The following CCDC188 variants were observed in gnomAD, a reference collection of about 807,000 sequenced individuals.
CCDC188 encodes coiled-coil domain-containing protein 188.
In CCDC188, 37 loss-of-function variants were observed where a neutral mutation model predicts 50.7. The observed-to-expected ratio is 0.73, with a 90% CI of 0.56 to 0.96. The LOEUF is 0.96. Ranked by LOEUF, CCDC188 falls within the 40% of genes least tolerant of loss-of-function variation. The pLI is 0.00. For synonymous variants in CCDC188, 208 were observed against 228.0 expected (o/e 0.91, Z 0.79); for missense variants, 453 against 512.9 (o/e 0.88, Z 1.13).
rs150544734 is a variant in CCDC188 at position 20,149,816 on chromosome 22, C to T, written c.733-36G>A. ...GGCCCAGGATGGGCTTGGGCAGCAT[C>T]AGCAGGGTGGCCAGTACCTCCCCGC... On this transcript the variant is annotated intron_variant, in intron 3 of 8. Transcript: ENST00000439765. The T allele has an allele frequency of 1.6e-4, 238 of 1,487,932 alleles. 1 individual carries two copies. The African/African-American group carries it at 3.0e-3, about 19-fold the overall frequency. The allele number at this position is 1,487,932 out of a possible 1,614,324, so 92.2% of individuals were successfully genotyped here. A position where few individuals can be genotyped will look rare whatever the true frequency, so the allele number is the denominator to read the frequency against.
intron 6 of CCDC188, 76 bp from the exon 7 acceptor site, chr22:20,149,320 G>GAGGT: frequency 1.3e-6 from 2 of 1,545,982 alleles, no homozygotes; most frequent in South Asian, 1.2e-5. Flanking sequence ...CGGTGCTGTG[G>GAGGT]AGGTGGGGGG....
Position 20,150,885 on chromosome 22 carries a change from G to C in CCDC188, c.102C>G (p.Cys34Trp). ...GGCAGGGCCACCCTACAAATCCCTG[G>C]CAGGGCTGGTCCAGGCCTCCTCCAT... ...SSHGGGLDQP[C>W]QGFVGWPCLG... Residue 34 changes from cysteine (C) to tryptophan (W), a missense_variant, in exon 1 of 9, where the codon TGC (cysteine) becomes TGG (tryptophan). By Grantham distance (215) the Cys-to-Trp change is radical (BLOSUM62 -2). Transcript: ENST00000439765. 1 of 1,489,084 alleles carries C rather than the reference G, an allele frequency of 6.7e-7. No individual in the cohort carries two copies. Among genetic ancestry groups the C allele is most frequent in the Non-Finnish European group, 9.0e-7 (1 of 1,109,534 alleles). The allele number at this position is 1,489,084 out of a possible 1,614,324, so 92.2% of individuals were successfully genotyped here.
Position 20,150,931 on chromosome 22 carries a change from G to C in CCDC188, c.56C>G (p.Pro19Arg), listed in dbSNP as rs2050615779. Residue 19 changes from proline to arginine, a missense_variant, in exon 1 of 9, where the codon CCA (proline) becomes CGA (arginine). Physicochemically the swap from Pro to Arg is moderately radical, Grantham distance 103. Coordinates refer to ENST00000439765, the MANE Select transcript of CCDC188 (RefSeq NM_001365892.2). ...PCGHPHPQCP[P>R]TPASSSHGGG... ...TCCATGGCTGCTGGAGGCTGGGGTTGGGGGACACTGGGGGTGGGGGTGGCC... is the reference window on the plus strand; with the variant it reads ...TCCATGGCTGCTGGAGGCTGGGGTTCGGGGACACTGGGGGTGGGGGTGGCC... 4.2e-6 allele frequency: 6 copies of C among 1,421,554 alleles called. No individual in the cohort carries two copies. The South Asian group carries it at 9.4e-5, about 22-fold the overall frequency. The allele number at this position is 1,421,554 out of a possible 1,614,324, so 88.1% of individuals were successfully genotyped here.
Position 20,148,418 on chromosome 22 carries a change from A to C in CCDC188, c.*196T>G, listed in dbSNP as rs1602581627. On this transcript the variant is annotated 3_prime_UTR_variant, in exon 9 of 9. Coordinates refer to ENST00000439765, the MANE Select transcript of CCDC188 (RefSeq NM_001365892.2). ...CCCCAATTTCCACAGAGACGTGCTC[A>C]CCGGCCACTTATGTCATGATTCTAT... 7.9e-7 allele frequency: 1 copy of C among 1,273,132 alleles called. No homozygotes were observed. The highest frequency in any genetic ancestry group is 2.6e-5 in the South Asian group (1 of 38,744). The allele number at this position is 1,273,132 out of a possible 1,614,324, so 78.9% of individuals were successfully genotyped here. A position where few individuals can be genotyped will look rare whatever the true frequency, so the allele number is the denominator to read the frequency against.
rs1243135408 is a variant in CCDC188, at chr22:20,150,742, T to TGCTCCG, written c.244_245insCGGAGC (p.Ser81_Gln82insProGlu). ...CTCAGTGTCTCTCGCTCTCTGCTCC[T>TGCTCCG]GGCTGGACAGAAAGAGCCCGGGAGC... On this transcript the variant is annotated inframe_insertion, in exon 1 of 9. Transcript: ENST00000439765. 1 of 1,550,052 alleles carries TGCTCCG rather than the reference T, an allele frequency of 6.5e-7. No individual in the cohort carries two copies. The highest frequency in any genetic ancestry group is 2.4e-5 in the East Asian group (1 of 40,920).
In CCDC188 at chr22:20,150,662, G is replaced by A; in HGVS notation, c.325C>T (p.Pro109Ser). 1 of 1,547,626 alleles carries A rather than the reference G, an allele frequency of 6.5e-7. No homozygotes were observed. The highest frequency in any genetic ancestry group is 2.0e-5 in the Admixed American group (1 of 50,882). ...AGLGWGWPLHPGSNQGAPRQG... is the reference protein window; with the variant it reads ...AGLGWGWPLHSGSNQGAPRQG... ...CTGGGAGCCCCCTGGTTCGACCCTG[G>A]GTGCAGGGGCCAGCCCCACCCAAGC... is the stretch of plus-strand genomic sequence containing the variant. The change falls in exon 1 of 9, where the codon CCA becomes TCA. Residue 109 changes from proline (P) to serine (S), a missense_variant. Transcript: ENST00000439765.
At position 20,148,864 on chromosome 22, in the gene CCDC188, C is replaced by T; in HGVS notation, c.1022+11G>A. 1.3e-6 allele frequency: 2 copies of T among 1,496,686 alleles called. No homozygotes were observed. Among genetic ancestry groups the T allele is most frequent in the Non-Finnish European group, 8.9e-7 (1 of 1,120,424 alleles). The allele number at this position is 1,496,686 out of a possible 1,614,324, so 92.7% of individuals were successfully genotyped here. A position where few individuals can be genotyped will look rare whatever the true frequency, so the allele number is the denominator to read the frequency against. ...GGCCTGGGGGCTGGGCTCTGCCGTG[C>T]AGTCACCTACCAGAGCTGGCCTGCC... On this transcript the variant is annotated intron_variant, in intron 8 of 8. Transcript: ENST00000439765.
Position 20,150,574 on chromosome 22 carries a change from C to A in CCDC188, c.413G>T (p.Gly138Val). 1 of 1,547,242 alleles carries A rather than the reference C, an allele frequency of 6.5e-7. No homozygotes were observed. Among genetic ancestry groups the A allele is most frequent in the Non-Finnish European group, 8.7e-7 (1 of 1,144,994 alleles). The change falls in exon 1 of 9, where the codon GGA becomes GTA. Residue 138 changes from glycine (G) to valine (V), a missense_variant. Coordinates refer to ENST00000439765, the MANE Select transcript of CCDC188 (RefSeq NM_001365892.2). ...TACCCTGGGCGAGGCCAGGGCCCCT[C>A]CCTCCCGTGACAGGGGTGGGCATGG... Reference protein sequence around the residue: ...PCPCPPLSREGGALASPRVAL... With the variant: ...PCPCPPLSREVGALASPRVAL...
intron 1 of CCDC188, 96 bp downstream of exon 1, chr22:20,150,372 G>GGGCAGA: frequency 8.4e-7 from 1 of 1,187,218 alleles, no homozygotes; most frequent in South Asian, 1.5e-5. Context: ...GCAGGGGCAG[G>GGGCAGA]GGCGCCAGGT....
In CCDC188 at chr22:20,148,612, G is replaced by T. The variant is rs1416532517; in HGVS notation, c.*2C>A. The T allele has an allele frequency of 6.5e-7, 1 of 1,540,880 alleles. No homozygotes were observed. The stretch of plus-strand genomic sequence containing the variant: ...CCTTGCTGGGGCCGCTGGGCCTCTG[G>T]CCTAGAAGGGCAGGAAGCCGTCCAC... On this transcript the variant is annotated 3_prime_UTR_variant, in exon 9 of 9. Coordinates refer to ENST00000439765, the MANE Select transcript of CCDC188 (RefSeq NM_001365892.2).
Position 20,148,535 on chromosome 22 carries a change from A to G in CCDC188, c.*79T>C. The stretch of plus-strand genomic sequence containing the variant: ...GATGGTGCACAGTGGTGCCATGTGC[A>G]GGGGGCTGGCACGGCCACTGGGCAT... On this transcript the variant is annotated 3_prime_UTR_variant, in exon 9 of 9. Transcript: ENST00000439765. The G allele has an allele frequency of 6.9e-7, 1 of 1,450,052 alleles. No individual in the cohort carries two copies. Among genetic ancestry groups the G allele is most frequent in the South Asian group, 1.4e-5 (1 of 69,628 alleles). The allele number at this position is 1,450,052 out of a possible 1,614,324, so 89.8% of individuals were successfully genotyped here. A position where few individuals can be genotyped will look rare whatever the true frequency, so the allele number is the denominator to read the frequency against.
intron 7 of CCDC188, 60 bp downstream of exon 7, chr22:20,149,127 A>C (rs2050569534): frequency 7.3e-6 from 10 of 1,367,712 alleles, no homozygotes; most frequent in Non-Finnish European, 9.7e-6. Flanking sequence ...CCTCTCGCCC[A>C]AGCAGGGCCC....
chr22:20,148,674 C>T lies in CCDC188; in HGVS notation c.1149G>A (p.Lys383=). ...PPLLSRATVW[K]LRALLDPFLR... is the part of the protein sequence containing the mutation. ...GGAAGGGGTCCAGCAGGGCCCGGAG[C>T]TTCCAGACGGTGGCACGGCTCAGCA... The change falls in exon 9 of 9, where the codon AAG becomes AAA. Residue 383 remains lysine (K), a synonymous_variant. Coordinates refer to ENST00000439765, the MANE Select transcript of CCDC188 (RefSeq NM_001365892.2). 1 of 1,545,976 alleles carries T rather than the reference C, an allele frequency of 6.5e-7. No individual in the cohort carries two copies. Among genetic ancestry groups the T allele is most frequent in the Non-Finnish European group, 8.7e-7 (1 of 1,144,922 alleles).
rs1246974345 is a variant in CCDC188 at position 20,150,452 on chromosome 22, T to C, written c.519+16A>G. On this transcript the variant is annotated intron_variant, in intron 1 of 8. Coordinates refer to ENST00000439765, the MANE Select transcript of CCDC188 (RefSeq NM_001365892.2). ...GGGGCTGGGGCTGGGGCTGGGGCGG[T>C]GGGTGGGGTGCTCACCAGGCTGTGG... is the stretch of plus-strand genomic sequence containing the variant. The C allele has an allele frequency of 1.2e-4, 79 of 677,196 alleles. 1 individual carries two copies. The Admixed American group carries it at 4.6e-3, about 39-fold the overall frequency. 41.9% of individuals were successfully genotyped at this position (677,196 alleles called of 1,614,324 possible).
chr22:20,149,067 CT>C, intron 7 of CCDC188, 119 bp downstream of exon 7: 2 of 1,269,538 alleles, frequency 1.6e-6, no homozygotes, highest in South Asian at 1.6e-5. Context: ...CCTGCAGCCA[CT>C]TTTCCGATGC....
rs557327945 is a variant in CCDC188, at chr22:20,148,514, G to A, written c.*100C>T. 6 of 1,425,034 alleles carry A rather than the reference G, an allele frequency of 4.2e-6. No homozygotes were observed. The African/African-American group carries it at 5.9e-5, about 14-fold the overall frequency. 88.3% of individuals were successfully genotyped at this position (1,425,034 alleles called of 1,614,324 possible). ...TTCTCTGCAGCTTCTGGCAAGGATGGTGCACAGTGGTGCCATGTGCAGGGG... is the reference window on the plus strand; with the variant it reads ...TTCTCTGCAGCTTCTGGCAAGGATGATGCACAGTGGTGCCATGTGCAGGGG... On this transcript the variant is annotated 3_prime_UTR_variant, in exon 9 of 9. Transcript: ENST00000439765.
In CCDC188 at chr22:20,149,564, G is replaced by A; in HGVS notation, c.849+17C>T. The A allele has an allele frequency of 1.9e-6, 3 of 1,550,192 alleles. No homozygotes were observed. The highest frequency in any genetic ancestry group is 2.0e-5 in the Admixed American group (1 of 51,004). On this transcript the variant is annotated intron_variant, in intron 5 of 8. Transcript: ENST00000439765. ...GCCGGGCCCCGTCCTTCTGGGTGCT[G>A]CCCTGTGGGGACCTACCAGGAGCCC...
In CCDC188 at chr22:20,150,694, T is replaced by TC; in HGVS notation, c.292dup (p.Glu98GlyfsTer158). 5 of 1,549,948 alleles carry TC rather than the reference T, an allele frequency of 3.2e-6. No individual in the cohort carries two copies. Among genetic ancestry groups the TC allele is most frequent in the Non-Finnish European group, 4.4e-6 (5 of 1,146,692 alleles). ...GGGCCAGCCCCACCCAAGCCCTGCC[T>TC]CCAGGTCTCCTTGTCTCGGCCCCTC... On this transcript the variant is annotated frameshift_variant, in exon 1 of 9. Coordinates refer to ENST00000439765, the MANE Select transcript of CCDC188 (RefSeq NM_001365892.2). LOFTEE classifies it high-confidence loss of function.
intron 6 of CCDC188, 21 bp downstream of exon 6, chr22:20,149,391 C>T (rs536948718): frequency 3.6e-5 from 56 of 1,550,080 alleles, no homozygotes; most frequent in Admixed American, 2.0e-4. Flanking sequence ...TCAGCTGGCC[C>T]GGCCCCTGCC....
Sources: gnomAD v4.1 joint callset for allele counts on GRCh38, gnomAD v4.1.1 for gene constraint, MANE v1.5 for transcripts, NCBI Gene and HGNC (gene_info 2026-07-23, HGNC 2026-07-21) for gene names.